The following PRKN variants were observed in gnomAD, a reference collection of about 807,000 sequenced individuals.
PRKN encodes E3 ubiquitin-protein ligase parkin.
Under a neutral mutation model 59.5 loss-of-function variants are expected in PRKN, and 56 were observed. That is an observed-to-expected ratio of 0.94 (90% CI 0.76 to 1.18). The LOEUF (loss-of-function observed/expected upper bound fraction) is 1.18, where lower values mean the gene tolerates loss of function less well. Ranked by LOEUF, PRKN falls within the 50% of genes most tolerant of loss-of-function variation. The pLI is 0.00. For missense variants in PRKN, 657 were observed against 596.4 expected (o/e 1.10, Z -1.06); for synonymous variants, 250 against 222.1 (o/e 1.13, Z -1.12).
chr6:162,426,034 G>T (rs544795332), intron 2 of PRKN, among the ~76,000 whole-genome samples: 23 of 152,242 alleles, frequency 1.5e-4, no homozygotes, highest in African/African-American at 4.3e-4. Flanking sequence ...CAGTAGCAAA[G>T]ATAAAAGCTA....
rs201004163 is a variant in PRKN, at chr6:162,501,513, A to AT, written c.8-58041_8-58040insA. On this transcript the variant is annotated intron_variant, in intron 1 of 11. Coordinates refer to ENST00000366898, the MANE Select transcript of PRKN (RefSeq NM_004562.3). Reference sequence around the variant, plus strand: ...CAGGCATGTGCCACCACGCCTGGTTAATTTTTTTTTTTTTTTTTTATTAGT... The same window carrying AT: ...CAGGCATGTGCCACCACGCCTGGTTATATTTTTTTTTTTTTTTTTTATTAGT... Among the ~76,000 whole-genome samples, 154 of 126,612 alleles carry AT rather than the reference A, an allele frequency of 1.2e-3. 1 individual carries two copies. Among genetic ancestry groups the AT allele is most frequent in the African/African-American group, 2.0e-3 (68 of 33,208 alleles). 83.1% of individuals were successfully genotyped at this position (126,612 alleles called of 152,430 possible). A position where few individuals can be genotyped will look rare whatever the true frequency, so the allele number is the denominator to read the frequency against.
At chr6:161,901,059 G>A (rs1777899105) in intron 6 of PRKN, among the ~76,000 whole-genome samples, 1 of 151,324 alleles carries the variant, frequency 6.6e-6, no homozygotes, top group Non-Finnish European at 1.5e-5. Flanking sequence ...GGCACTACAG[G>A]CACATGCCAG....
chr6:161,654,891 G>A (rs1294252196), intron 7 of PRKN, among the ~76,000 whole-genome samples: 1 of 152,184 alleles, frequency 6.6e-6, no homozygotes, highest in Admixed American at 6.5e-5. Context: ...TAGGAGTGCA[G>A]CCTTGCCCAG....
At chr6:162,273,503 A>G (rs1780483099) in intron 2 of PRKN, among the ~76,000 whole-genome samples, 1 of 152,208 alleles carries the variant, frequency 6.6e-6, no homozygotes, top group South Asian at 2.1e-4. Flanking sequence ...CCCAAAAGAA[A>G]TTTTGTACTT....
At chr6:161,805,469 CACACACACACATGCATGT>C (rs1791272622) in intron 6 of PRKN, among the ~76,000 whole-genome samples, 1 of 51,698 alleles carries the variant, frequency 1.9e-5, no homozygotes, top group African/African-American at 4.1e-5. Context: ...CACACACACA[CACACACACACATGCATGT>C]ACACACACAT....
intron 7 of PRKN, among the ~76,000 whole-genome samples, chr6:161,752,906 T>C (rs988101460): frequency 6.6e-6 from 1 of 152,170 alleles, no homozygotes; most frequent in African/African-American, 2.4e-5. Flanking sequence ...GGTGATGGGT[T>C]ATCAGGGGCA....
chr6:162,084,698 A>G lies in PRKN; in HGVS notation c.535-30524T>C, dbSNP rs1390744218. ...ATATTCAATGAAAGTATACATTAGT[A>G]AATTTTCCTATACTCTGTGTTACTA... On this transcript the variant is annotated intron_variant, in intron 4 of 11. Coordinates refer to ENST00000366898, the MANE Select transcript of PRKN (RefSeq NM_004562.3). Among the ~76,000 whole-genome samples, 5 of 152,138 alleles carry G rather than the reference A, an allele frequency of 3.3e-5. 1 individual carries two copies. Among genetic ancestry groups the G allele is most frequent in the African/African-American group, 9.7e-5 (4 of 41,402 alleles).
At chr6:162,356,602 A>G (rs1221299605) in intron 2 of PRKN, among the ~76,000 whole-genome samples, 1 of 151,884 alleles carries the variant, frequency 6.6e-6, no homozygotes, top group African/African-American at 2.4e-5. Context: ...TATTTTGAGG[A>G]TATCAACAAA....
rs562222865 is a variant in PRKN at position 162,535,334 on chromosome 6, A to G, written c.8-91861T>C. Among the ~76,000 whole-genome samples the G allele has an allele frequency of 3.3e-5, 5 of 152,204 alleles. No homozygotes were observed. In the South Asian group the frequency reaches 8.3e-4, roughly 25 times the overall value. Reference sequence around the variant, plus strand: ...CTCAGTTTGAGTTCAGATAACTTTTAGAGTCCCTGGTTCCTATTATAATAC... The same window carrying G: ...CTCAGTTTGAGTTCAGATAACTTTTGGAGTCCCTGGTTCCTATTATAATAC... On this transcript the variant is annotated intron_variant, in intron 1 of 11. Coordinates refer to ENST00000366898, the MANE Select transcript of PRKN (RefSeq NM_004562.3).
At chr6:161,900,904 G>A (rs1453542308) in intron 6 of PRKN, among the ~76,000 whole-genome samples, 1 of 119,900 alleles carries the variant, frequency 8.3e-6, no homozygotes, top group Non-Finnish European at 1.7e-5. Context: ...TAACACATAT[G>A]TTAAATTGTA....
chr6:161,959,313 TG>T (rs1358279647), intron 6 of PRKN, among the ~76,000 whole-genome samples: 1 of 151,732 alleles, frequency 6.6e-6, no homozygotes, highest in African/African-American at 2.4e-5. Flanking sequence ...CTGAGCGAGC[TG>T]GGGATCTAGC....
At chr6:162,163,832 C>A (rs1229814766) in intron 4 of PRKN, among the ~76,000 whole-genome samples, 1 of 148,774 alleles carries the variant, frequency 6.7e-6, no homozygotes, top group Non-Finnish European at 1.5e-5. Context: ...GCGCACGTCT[C>A]CTCCTGCACC....
At chr6:161,580,317 A>G (rs1781286001) in intron 7 of PRKN, among the ~76,000 whole-genome samples, 2 of 152,168 alleles carry the variant, frequency 1.3e-5, no homozygotes, top group South Asian at 4.1e-4. Flanking sequence ...CAGCATCACA[A>G]GTGTTCAACC....
In PRKN at chr6:161,400,702, C is replaced by T. The variant is rs1786992881; in HGVS notation, c.1084-13825G>A. Among the ~76,000 whole-genome samples, 1 of 151,916 alleles carries T rather than the reference C, an allele frequency of 6.6e-6. No homozygotes were observed. ...GTGTTTATTTTCAGCCTTTGGACGA[C>T]CCATATGAGTTTCACTTCACACTGT... On this transcript the variant is annotated intron_variant, in intron 9 of 11. Coordinates refer to ENST00000366898, the MANE Select transcript of PRKN (RefSeq NM_004562.3). The surrounding 1 kb of genome is among the most constrained non-coding windows in gnomAD (Gnocchi z 4.2).
intron 7 of PRKN, among the ~76,000 whole-genome samples, chr6:161,679,579 T>A (rs1357403598): frequency 2.2e-5 from 3 of 134,940 alleles, no homozygotes; most frequent in African/African-American, 5.4e-5. Flanking sequence ...TTTTTTTTTT[T>A]AAACACCAAC....
chr6:161,874,498 A>C (rs1201889744), intron 6 of PRKN, among the ~76,000 whole-genome samples: 2 of 80,488 alleles, frequency 2.5e-5, no homozygotes, highest in Non-Finnish European at 3.9e-5. Context: ...TTATATGTAA[A>C]ATATATTATA....
intron 9 of PRKN, among the ~76,000 whole-genome samples, chr6:161,482,184 T>C (rs1480499550): frequency 6.6e-6 from 1 of 152,182 alleles, no homozygotes; most frequent in Non-Finnish European, 1.5e-5. Flanking sequence ...ACAAGAATAA[T>C]TTAAAGCATG....
chr6:162,642,672 T>A (rs1331131147), intron 1 of PRKN, among the ~76,000 whole-genome samples: 4 of 151,822 alleles, frequency 2.6e-5, no homozygotes, highest in African/African-American at 9.7e-5. Flanking sequence ...TTAAATCTTA[T>A]GAAGAATATA....
At chr6:162,253,181 C>T (rs554508851) in intron 3 of PRKN, among the ~76,000 whole-genome samples, 125 of 152,170 alleles carry the variant, frequency 8.2e-4, no homozygotes, top group African/African-American at 3.0e-3. Flanking sequence ...GCATATCTAT[C>T]GAAATGGTAA....
Sources: gnomAD v4.1 joint callset for allele counts (sites outside exome capture counted in the v4.1 genomes callset) on GRCh38, gnomAD v4.1.1 for gene constraint, Gnocchi (gnomAD v3.1) non-coding constraint, MANE v1.5 for transcripts, NCBI Gene and HGNC (gene_info 2026-07-23, HGNC 2026-07-21) for gene names.